The following ZSWIM4 variants were observed in gnomAD, a reference collection of about 807,000 sequenced individuals.
ZSWIM4 encodes the protein zinc finger SWIM domain-containing protein 4.
A neutral mutation model predicts 102.5 loss-of-function variants in ZSWIM4; 62 were observed. The ratio of observed to expected loss-of-function variants is 0.60; its 90% CI spans 0.49 to 0.75. The LOEUF is 0.75. Ranked by LOEUF, ZSWIM4 falls within the 30% of genes least tolerant of loss-of-function variation. The pLI, the probability that ZSWIM4 is intolerant of heterozygous loss-of-function variation, is 0.00. For missense variants in ZSWIM4, 1,280 were observed against 1,529.6 expected, an observed-to-expected ratio of 0.84 and a Z score of 2.72; for synonymous variants, 652 against 674.5, an observed-to-expected ratio of 0.97 and a Z score of 0.52.
chr19:13,811,541 A>C (rs1032101631), intron 5 of ZSWIM4, among the ~76,000 whole-genome samples: 1 of 151,896 alleles, frequency 6.6e-6, no homozygotes, highest in Non-Finnish European at 1.5e-5. Context: ...ACAACAACAA[A>C]AAAAGGCGCT....
intron 2 of ZSWIM4, among the ~76,000 whole-genome samples, chr19:13,803,240 T>C (rs1171616349): frequency 6.6e-6 from 1 of 152,226 alleles, no homozygotes; most frequent in African/African-American, 2.4e-5. Flanking sequence ...TGACCCAGGC[T>C]GGGCCTGAGC....
chr19:13,817,410 C>A (rs1013413138), intron 8 of ZSWIM4, 57 bp downstream of exon 8: 2 of 1,572,874 alleles, frequency 1.3e-6, no homozygotes, highest in Non-Finnish European at 1.7e-6. Context: ...GTTGGCCACG[C>A]CCCCTGGCCC....
At chr19:13,823,992 C>T (rs889798862) in intron 11 of ZSWIM4, among the ~76,000 whole-genome samples, 6 of 151,526 alleles carry the variant, frequency 4.0e-5, no homozygotes, top group Admixed American at 2.0e-4. Flanking sequence ...CAGACGGCCA[C>T]CTTCTTGCTT....
At chr19:13,822,856 G>A (rs1229963873) in intron 10 of ZSWIM4, among the ~76,000 whole-genome samples, 1 of 152,108 alleles carries the variant, frequency 6.6e-6, no homozygotes, top group Non-Finnish European at 1.5e-5. Context: ...GTACACGCCT[G>A]TAATCCCAGC....
chr19:13,823,875 G>C (rs550138483), intron 11 of ZSWIM4, among the ~76,000 whole-genome samples: 1 of 152,206 alleles, frequency 6.6e-6, no homozygotes, highest in Non-Finnish European at 1.5e-5. Flanking sequence ...CAGAGACTGC[G>C]TGACTTCAAC....
rs1194266305 is a variant in ZSWIM4 at position 13,825,071 on chromosome 19, ACT to A, written c.2216-476_2216-475del. ...TTTTTTTTTTTTTGAGATGGATATT[ACT>A]CTATCATCTAGGCTGGAGTGCAGTG... On this transcript the variant is annotated intron_variant, in intron 11 of 13. Coordinates refer to ENST00000590508, the MANE Select transcript of ZSWIM4 (RefSeq NM_001367834.3). This position sits in a 1 kb window ranked among gnomAD's most constrained non-coding sequence, Gnocchi z 4.6. Among the ~76,000 whole-genome samples, 1 of 145,686 alleles carries A rather than the reference ACT, an allele frequency of 6.9e-6. No individual in the cohort carries two copies. The highest frequency in any genetic ancestry group is 1.5e-5 in the Non-Finnish European group (1 of 66,632).
chr19:13,819,052 G>A (rs572713121), intron 9 of ZSWIM4, among the ~76,000 whole-genome samples: 1 of 151,288 alleles, frequency 6.6e-6, no homozygotes, highest in Non-Finnish European at 1.5e-5. Flanking sequence ...TTTTAGTAGA[G>A]ACGGGGTTTC....
At chr19:13,824,870 G>A (rs903464862) in intron 11 of ZSWIM4, among the ~76,000 whole-genome samples, 1 of 151,920 alleles carries the variant, frequency 6.6e-6, no homozygotes, top group Non-Finnish European at 1.5e-5. Context: ...TTGCCTGAGT[G>A]TTACCCATTT....
chr19:13,814,526 G>A lies in ZSWIM4; in HGVS notation c.1192G>A (p.Glu398Lys), dbSNP rs1235285883. 8.6e-7 allele frequency: 1 copy of A among 1,161,690 alleles called. No homozygotes were observed. Among genetic ancestry groups the A allele is most frequent in the Non-Finnish European group, 1.1e-6 (1 of 921,576 alleles). The allele number at this position is 1,161,690 out of a possible 1,614,324, so 72.0% of individuals were successfully genotyped here. A position where few individuals can be genotyped will look rare whatever the true frequency, so the allele number is the denominator to read the frequency against. Residue 398 changes from glutamate to lysine, a missense_variant, in exon 7 of 14, where the codon GAG (glutamate) becomes AAG (lysine). Coordinates refer to ENST00000590508, the MANE Select transcript of ZSWIM4 (RefSeq NM_001367834.3). ...GTGCCTCTCTGCAGGCTCGGAGGAAGAGGAAGAGGTGGCAGCCACAAGTCC... is the reference window on the plus strand; with the variant it reads ...GTGCCTCTCTGCAGGCTCGGAGGAAAAGGAAGAGGTGGCAGCCACAAGTCC... ...TMAPAPGSEE[E>K]EEVAATSPRH... is the part of the protein sequence containing the mutation.
At chr19:13,817,180 G>A in intron 7 of ZSWIM4, 36 bp from the exon 8 acceptor site, 1 of 1,593,074 alleles carries the variant, frequency 6.3e-7, no homozygotes, top group South Asian at 1.1e-5. Context: ...ACTTGGGCAG[G>A]TGTGTGGGCA....
At chr19:13,800,456 G>A (rs1358846834) in intron 2 of ZSWIM4, among the ~76,000 whole-genome samples, 2 of 151,658 alleles carry the variant, frequency 1.3e-5, no homozygotes, top group African/African-American at 4.8e-5. Context: ...TAGTAGAGAC[G>A]GGGTTTCACC....
intron 2 of ZSWIM4, among the ~76,000 whole-genome samples, chr19:13,803,762 G>A (rs1449125768): frequency 4.0e-5 from 5 of 123,828 alleles, no homozygotes; most frequent in Non-Finnish European, 4.8e-5. Context: ...TCAAGATAGC[G>A]CCACTGCACT....
intron 10 of ZSWIM4, among the ~76,000 whole-genome samples, chr19:13,820,966 C>A (rs1254283961): frequency 1.3e-5 from 2 of 151,376 alleles, no homozygotes; most frequent in East Asian, 1.9e-4. Context: ...CGTACACCAG[C>A]AGATTCACAG....
rs779489480 is a variant in ZSWIM4 at position 13,804,778 on chromosome 19, G to A, written c.356-14G>A. The A allele has an allele frequency of 1.3e-5, 20 of 1,559,252 alleles. No individual in the cohort carries two copies. The South Asian group carries it at 2.3e-4, about 18-fold the overall frequency. ...TGGGATGACACGGATGCGACAGTTTGGCTTTGATCCTAGGATTCCACCTGA... is the reference window on the plus strand; with the variant it reads ...TGGGATGACACGGATGCGACAGTTTAGCTTTGATCCTAGGATTCCACCTGA... On this transcript the variant is annotated splice_polypyrimidine_tract_variant and intron_variant, in intron 2 of 13. Transcript: ENST00000590508.
intron 12 of ZSWIM4, among the ~76,000 whole-genome samples, chr19:13,826,187 AG>A (rs761367736): frequency 1.3e-5 from 2 of 152,116 alleles, no homozygotes; most frequent in Non-Finnish European, 2.9e-5. Flanking sequence ...ACTGAGGTCT[AG>A]GGGAGAGTTG....
chr19:13,815,714 C>A (rs1013591748), intron 7 of ZSWIM4, among the ~76,000 whole-genome samples: 1 of 151,468 alleles, frequency 6.6e-6, no homozygotes, highest in African/African-American at 2.4e-5. Context: ...TTTTGATCCA[C>A]CCACCTCAGC....
rs1975013342 is a variant in ZSWIM4, at chr19:13,809,363, C to T, written c.1012+143C>T. 1.7e-6 allele frequency: 2 copies of T among 1,191,490 alleles called. No individual in the cohort carries two copies. The highest frequency in any genetic ancestry group is 1.5e-5 in the African/African-American group (1 of 64,906). 73.8% of individuals were successfully genotyped at this position (1,191,490 alleles called of 1,614,324 possible). A position where few individuals can be genotyped will look rare whatever the true frequency, so the allele number is the denominator to read the frequency against. ...TTATGAGCGCCTCTAAAGTGCCAGG[C>T]ATGGTACTGGGCACTGGTGGTCCGG... On this transcript the variant is annotated intron_variant, in intron 5 of 13. Coordinates refer to ENST00000590508, the MANE Select transcript of ZSWIM4 (RefSeq NM_001367834.3). This position sits in a 1 kb window ranked among gnomAD's most constrained non-coding sequence, Gnocchi z 4.2.
intron 5 of ZSWIM4, among the ~76,000 whole-genome samples, chr19:13,810,178 T>A (rs960921173): frequency 3.9e-5 from 6 of 151,904 alleles, no homozygotes; most frequent in Middle Eastern, 3.2e-3. Context: ...GTATTTTTTT[T>A]ATTAGAGACG....
In ZSWIM4 at chr19:13,817,344, C is replaced by T; in HGVS notation, c.1660C>T (p.Leu554Phe). Residue 554 changes from leucine to phenylalanine, a missense_variant, in exon 8 of 14, where the codon CTT becomes TTT. Physicochemically the swap from Leu to Phe is conservative, Grantham distance 22. Transcript: ENST00000590508. The part of the protein sequence containing the change: ...ACRLEEETLT[L>F]YPDSGPEKRK... Reference sequence around the variant, plus strand: ...TCGTCTGGAGGAGGAGACACTTACCCTTTACCCAGGTACTCACATGGGGTA... The same window carrying T: ...TCGTCTGGAGGAGGAGACACTTACCTTTTACCCAGGTACTCACATGGGGTA... 6.2e-7 allele frequency: 1 copy of T among 1,613,388 alleles called. No homozygotes were observed. The highest frequency in any genetic ancestry group is 2.2e-5 in the East Asian group (1 of 44,852).
Sources: gnomAD v4.1 joint callset for allele counts (sites outside exome capture counted in the v4.1 genomes callset) on GRCh38, gnomAD v4.1.1 for gene constraint, Gnocchi (gnomAD v3.1) non-coding constraint, MANE v1.5 for transcripts, NCBI Gene and HGNC (gene_info 2026-07-23, HGNC 2026-07-21) for gene names.